The following PDSS2 variants were observed in gnomAD, a reference collection of about 807,000 sequenced individuals.
PDSS2 encodes all trans-polyprenyl-diphosphate synthase PDSS2.
A neutral mutation model predicts 44.5 loss-of-function variants in PDSS2; 31 were observed. The observed-to-expected ratio is 0.70, with a 90% confidence interval of 0.52 to 0.94. The LOEUF (loss-of-function observed/expected upper bound fraction) is 0.94. Among genes scored for constraint, PDSS2 ranks in the 40% least tolerant of loss-of-function variants. The pLI is 0.00. For missense variants in PDSS2, 452 were observed against 482.2 expected (o/e 0.94, Z 0.59); for synonymous variants, 157 against 180.3 (o/e 0.87, Z 1.03).
At chr6:107,281,997 C>G (rs1775975955) in intron 2 of PDSS2, among the ~76,000 whole-genome samples, 1 of 152,112 alleles carries the variant, frequency 6.6e-6, no homozygotes, top group Non-Finnish European at 1.5e-5. Flanking sequence ...CCTCCACCCC[C>G]TGGGTTCAAG....
chr6:107,217,493 A>T (rs1052545311), intron 4 of PDSS2, among the ~76,000 whole-genome samples: 1 of 152,160 alleles, frequency 6.6e-6, no homozygotes, highest in Non-Finnish European at 1.5e-5. Context: ...ATTTTCCAAT[A>T]GAACTCCAGG....
chr6:107,301,017 A>G (rs1428675604), intron 2 of PDSS2, among the ~76,000 whole-genome samples: 2 of 152,192 alleles, frequency 1.3e-5, no homozygotes, highest in Non-Finnish European at 2.9e-5. Flanking sequence ...AAATTTGTAG[A>G]TGGCACACTT....
chr6:107,283,239 T>C (rs1031703800), intron 2 of PDSS2, among the ~76,000 whole-genome samples: 12 of 151,598 alleles, frequency 7.9e-5, no homozygotes, highest in Non-Finnish European at 1.6e-4. Flanking sequence ...GGCAGGAGGG[T>C]TGCTTGAGCC....
rs527516208 is a variant in PDSS2 at position 107,218,916 on chromosome 6, G to C, written c.703-6634C>G. 2.0e-5 allele frequency among the ~76,000 whole-genome samples: 3 copies of C among 152,138 alleles called. No homozygotes were observed. In the South Asian group the frequency reaches 6.2e-4, roughly 32 times the overall value. ...CTACTAAAAATGCAAACATTAGCTGGGCCTGGTGGTGGGTGCCTGTAATCC... is the reference window on the plus strand; with the variant it reads ...CTACTAAAAATGCAAACATTAGCTGCGCCTGGTGGTGGGTGCCTGTAATCC... On this transcript the variant is annotated intron_variant, in intron 4 of 7. Coordinates refer to ENST00000369037, the MANE Select transcript of PDSS2 (RefSeq NM_020381.4).
chr6:107,386,571 T>C (rs1490490621), intron 1 of PDSS2, among the ~76,000 whole-genome samples: 1 of 152,092 alleles, frequency 6.6e-6, no homozygotes, highest in Non-Finnish European at 1.5e-5. Context: ...GTCCACAAAG[T>C]TGGAAGGTAT....
intron 1 of PDSS2, among the ~76,000 whole-genome samples, chr6:107,336,355 A>G (rs1166527925): frequency 6.6e-6 from 1 of 152,074 alleles, no homozygotes; most frequent in Non-Finnish European, 1.5e-5. Context: ...TTTCAAAATA[A>G]GACAAATCAT....
At chr6:107,402,495 T>C (rs59436947) in intron 1 of PDSS2, among the ~76,000 whole-genome samples, 825 of 78,858 alleles carry the variant, frequency 0.01, 32 homozygotes, top group Middle Eastern at 0.027. Context: ...TACGTATATA[T>C]GTATACATAT....
rs1478494649 is a variant in PDSS2, at chr6:107,388,542, G to A, written c.297-54210C>T. 4.0e-5 allele frequency among the ~76,000 whole-genome samples: 6 copies of A among 149,504 alleles called. No individual in the cohort carries two copies. In the East Asian group the frequency reaches 1.0e-3, roughly 25 times the overall value. Reference sequence around the variant, plus strand: ...CGGCTCACTGCAAGCTCCGCCTCCCGGGTTCACGCCATTCTCCTGCCTCAG... The same window carrying A: ...CGGCTCACTGCAAGCTCCGCCTCCCAGGTTCACGCCATTCTCCTGCCTCAG... On this transcript the variant is annotated intron_variant, in intron 1 of 7. Transcript: ENST00000369037.
chr6:107,330,042 T>C (rs894242378), intron 2 of PDSS2, among the ~76,000 whole-genome samples: 1 of 151,682 alleles, frequency 6.6e-6, no homozygotes, highest in Admixed American at 6.6e-5. Context: ...TTTGCTGCTG[T>C]CAACAGATAA....
chr6:107,191,465 T>C (rs1001812511), intron 7 of PDSS2, among the ~76,000 whole-genome samples: 5 of 152,206 alleles, frequency 3.3e-5, no homozygotes, highest in Non-Finnish European at 7.4e-5. Flanking sequence ...ACATGGTAAG[T>C]TTCTCACATG....
At chr6:107,290,453 TA>T (rs1776306069) in intron 2 of PDSS2, among the ~76,000 whole-genome samples, 2 of 152,306 alleles carry the variant, frequency 1.3e-5, no homozygotes, top group South Asian at 4.1e-4. Flanking sequence ...CAGTGGTCCC[TA>T]TCTCACTTAC....
At position 107,231,605 on chromosome 6, in the gene PDSS2, T is replaced by C. The variant is rs144139093; in HGVS notation, c.702+13943A>G. Among the ~76,000 whole-genome samples, 455 of 152,326 alleles carry C rather than the reference T, an allele frequency of 3.0e-3. 2 individuals are homozygous for C. Among genetic ancestry groups the C allele is most frequent in the African/African-American group, 0.01 (423 of 41,568 alleles). The stretch of plus-strand genomic sequence containing the variant: ...GATCTTACTGTATAAGACCCTATGG[T>C]TATTTGCTACTGCTTACTATTTTAA... On this transcript the variant is annotated intron_variant, in intron 4 of 7. Transcript: ENST00000369037.
At chr6:107,329,155 C>T (rs1253651262) in intron 2 of PDSS2, among the ~76,000 whole-genome samples, 2 of 152,200 alleles carry the variant, frequency 1.3e-5, no homozygotes, top group African/African-American at 4.8e-5. Context: ...ACCCCTTTTG[C>T]TTAAACACCT....
At chr6:107,410,060 C>T (rs563839041) in intron 1 of PDSS2, among the ~76,000 whole-genome samples, 27 of 152,096 alleles carry the variant, frequency 1.8e-4, no homozygotes, top group African/African-American at 4.6e-4. Context: ...AAAGCAAATG[C>T]GGCCAACACA....
chr6:107,171,182 A>T (rs1393109222), intron 7 of PDSS2, among the ~76,000 whole-genome samples: 1 of 152,004 alleles, frequency 6.6e-6, no homozygotes, highest in Non-Finnish European at 1.5e-5. Flanking sequence ...TTTATTTTGG[A>T]GACAGGTCTC....
intron 1 of PDSS2, among the ~76,000 whole-genome samples, chr6:107,433,642 C>T (rs1781261406): frequency 6.6e-6 from 1 of 152,178 alleles, no homozygotes; most frequent in East Asian, 1.9e-4. Context: ...AGACTTAAAT[C>T]TAAGATTTCA....
chr6:107,269,340 C>CTGTGTGTGTGTGTG (rs58803876), intron 3 of PDSS2, among the ~76,000 whole-genome samples: 243 of 143,306 alleles, frequency 1.7e-3, no homozygotes, highest in South Asian at 3.9e-3. Context: ...TTTCGTGTGT[C>CTGTGTGTGTGTGTG]TGTGTGTGTG....
chr6:107,203,571 C>T (rs1045210678), intron 6 of PDSS2, among the ~76,000 whole-genome samples: 1 of 152,180 alleles, frequency 6.6e-6, no homozygotes, highest in Non-Finnish European at 1.5e-5. Context: ...GGCTCAAAAA[C>T]TTTCAATGTC....
intron 7 of PDSS2, among the ~76,000 whole-genome samples, chr6:107,185,225 A>G (rs1045154021): frequency 1.3e-5 from 2 of 152,150 alleles, no homozygotes; most frequent in African/African-American, 2.4e-5. Context: ...GCTATTATAA[A>G]CTACTTAGTG....
Sources: allele counts gnomAD v4.1 joint callset (sites outside exome capture counted in the v4.1 genomes callset), GRCh38; gene constraint gnomAD v4.1.1; transcripts MANE v1.5; gene names NCBI Gene and HGNC (gene_info 2026-07-23, HGNC 2026-07-21).